The following A2ML1 variants were observed in gnomAD, a reference collection of about 807,000 sequenced individuals.
The protein encoded by A2ML1 is alpha-2-macroglobulin-like protein 1.
In A2ML1, 161 loss-of-function variants were observed where a neutral mutation model predicts 181.9. The observed-to-expected ratio is 0.89, with a 90% CI of 0.78 to 1.01. The LOEUF (loss-of-function observed/expected upper bound fraction) is 1.01, where lower values mean the gene tolerates loss of function less well. Ranked by LOEUF, A2ML1 falls within the 50% of genes least tolerant of loss-of-function variation. The pLI, the probability that A2ML1 is intolerant of heterozygous loss-of-function variation, is 0.00. For missense variants in A2ML1, 1,670 were observed against 1,768.1 expected (o/e 0.94, Z 1.00); for synonymous variants, 663 against 666.8 (o/e 0.99, Z 0.09).
At chr12:8,883,136 C>T (rs991014401) in intron 7 of A2ML1, among the ~76,000 whole-genome samples, 7 of 152,148 alleles carry the variant, frequency 4.6e-5, no homozygotes, top group Non-Finnish European at 1.0e-4. Flanking sequence ...GGCAAGGCTT[C>T]CTTAAGAGCT....
At position 8,848,816 on chromosome 12, in the gene A2ML1, C is replaced by A. The variant is rs1943790295; in HGVS notation, c.1930C>A (p.Pro644Thr). ...PVSGPWDFPQ[P>T]LIDPMPQGHS... is the part of the protein sequence containing the mutation. ...GTCTGGCCCATGGGACTTTCCTCAG[C>A]CCCTCATTGACCCAATGCCCCAAGG... Residue 644 changes from proline to threonine, a missense_variant, in exon 16 of 36, where the codon CCC becomes ACC. By Grantham distance (38) the Pro-to-Thr change is conservative. Coordinates refer to ENST00000299698, the MANE Select transcript of A2ML1 (RefSeq NM_144670.6). 1 of 1,614,102 alleles carries A rather than the reference C, an allele frequency of 6.2e-7. No homozygotes were observed. The highest frequency in any genetic ancestry group is 1.1e-5 in the South Asian group (1 of 91,074).
chr12:8,858,255 G>A (rs779620376), intron 26 of A2ML1, 153 bp downstream of exon 26: 12 of 891,410 alleles, frequency 1.3e-5, no homozygotes, highest in Non-Finnish European at 1.8e-5. Context: ...TGCTTAGCTG[G>A]TCTGGGCCTC....
At chr12:8,823,479 C>T in intron 2 of A2ML1, 114 bp downstream of exon 2, 1 of 1,280,976 alleles carries the variant, frequency 7.8e-7, no homozygotes, top group Non-Finnish European at 1.1e-6. Context: ...GGCCTCTAAA[C>T]CTATTTTTTC....
Position 8,823,208 on chromosome 12 carries a change from G to C in A2ML1, c.89G>C (p.Arg30Pro). The C allele has an allele frequency of 6.2e-7, 1 of 1,613,830 alleles. No homozygotes were observed. The highest frequency in any genetic ancestry group is 8.5e-7 in the Non-Finnish European group (1 of 1,179,940). Reference sequence around the variant, plus strand: ...AACTACCTGGTGACATTACCAGCCCGGCTAAATTTCCCCTCCGTTCAGAAG... The same window carrying C: ...AACTACCTGGTGACATTACCAGCCCCGCTAAATTTCCCCTCCGTTCAGAAG... Reference protein sequence around the residue: ...LPNYLVTLPARLNFPSVQKVC... With the variant: ...LPNYLVTLPAPLNFPSVQKVC... Residue 30 changes from arginine to proline, a missense_variant, in exon 2 of 36, where the codon CGG becomes CCG. Coordinates refer to ENST00000299698, the MANE Select transcript of A2ML1 (RefSeq NM_144670.6).
chr12:8,846,810 CAAA>C (rs199881026), intron 14 of A2ML1, among the ~76,000 whole-genome samples: 19 of 130,242 alleles, frequency 1.5e-4, no homozygotes, highest in South Asian at 2.7e-4. Context: ...GACTCTGTCT[CAAA>C]AAAAAAAAAA....
chr12:8,836,012 C>CAAAAA (rs753902128), intron 6 of A2ML1, among the ~76,000 whole-genome samples: 1 of 52,198 alleles, frequency 1.9e-5, no homozygotes, highest in Non-Finnish European at 4.3e-5. Context: ...GACTCCGTCT[C>CAAAAA]AAAAAAAAAA....
At chr12:8,832,979 C>CTTTTTT (rs10670476) in intron 4 of A2ML1, among the ~76,000 whole-genome samples, 102,535 of 138,358 alleles carry the variant, frequency 0.74, 39,772 homozygotes, top group East Asian at 0.96. Flanking sequence ...TGCTACTTTC[C>CTTTTTT]TTTTTTTTTT....
chr12:8,839,990 G>A (rs954875076), intron 10 of A2ML1, among the ~76,000 whole-genome samples: 3 of 151,980 alleles, frequency 2.0e-5, no homozygotes, highest in Admixed American at 6.6e-5. Flanking sequence ...CAGGTGATCC[G>A]TCCACCTGGG....
chr12:8,845,629 C>CTT, intron 13 of A2ML1, 127 bp downstream of exon 13: 1 of 828,372 alleles, frequency 1.2e-6, no homozygotes, highest in East Asian at 2.7e-5. Context: ...GGGCGGATCA[C>CTT]GATGTCGGGA....
At chr12:8,825,682 G>A (rs1270514877) in intron 3 of A2ML1, among the ~76,000 whole-genome samples, 1 of 152,148 alleles carries the variant, frequency 6.6e-6, no homozygotes, top group Admixed American at 6.5e-5. Flanking sequence ...CAATGTTCTG[G>A]AGAGTTTCCC....
chr12:8,871,961 T>C (rs7306690), intron 33 of A2ML1, among the ~76,000 whole-genome samples: 6,995 of 151,474 alleles, frequency 0.046, 502 homozygotes, highest in African/African-American at 0.16. Flanking sequence ...GGGCAGATCA[T>C]GAGGTCAGGA....
intron 11 of A2ML1, 71 bp downstream of exon 11, chr12:8,841,607 G>A: frequency 6.7e-7 from 1 of 1,490,832 alleles, no homozygotes; most frequent in Non-Finnish European, 9.1e-7. Context: ...GAATTTTCCT[G>A]TTTCCTATTC....
chr12:8,822,662 A>G lies in A2ML1; in HGVS notation c.11A>G (p.Gln4Arg). The change falls in exon 1 of 36, where the codon CAG becomes CGG. Residue 4 changes from glutamine (Q) to arginine (R), a missense_variant. Coordinates refer to ENST00000299698, the MANE Select transcript of A2ML1 (RefSeq NM_144670.6). ...GTCTCACCCACAAAGATGTGGGCTCAGCTCCTTCTAGGAATGTTGGCCCTA... is the reference window on the plus strand; with the variant it reads ...GTCTCACCCACAAAGATGTGGGCTCGGCTCCTTCTAGGAATGTTGGCCCTA... MWA[Q>R]LLLGMLALSP... 1 of 1,614,132 alleles carries G rather than the reference A, an allele frequency of 6.2e-7. No individual in the cohort carries two copies. The highest frequency in any genetic ancestry group is 8.5e-7 in the Non-Finnish European group (1 of 1,179,976).
chr12:8,840,927 G>A (rs1220838341), intron 10 of A2ML1, among the ~76,000 whole-genome samples: 9 of 147,740 alleles, frequency 6.1e-5, no homozygotes, highest in African/African-American at 1.0e-4. Flanking sequence ...AGAAAGAAAG[G>A]AAGGAAGAAA....
chr12:8,852,862 A>G lies in A2ML1; in HGVS notation c.2590+526A>G, dbSNP rs1369915900. On this transcript the variant is annotated intron_variant, in intron 20 of 35. Coordinates refer to ENST00000299698, the MANE Select transcript of A2ML1 (RefSeq NM_144670.6). The surrounding 1 kb of genome is among the most constrained non-coding windows in gnomAD (Gnocchi z 4.2). ...AGTCGCGTGCCACCCTACCCGGCTA[A>G]TTTTTGTACTTTTAGTAGAGGTGGG... 6.6e-6 allele frequency among the ~76,000 whole-genome samples: 1 copy of G among 151,804 alleles called. No homozygotes were observed. The highest frequency in any genetic ancestry group is 2.4e-5 in the African/African-American group (1 of 41,302).
At position 8,841,519 on chromosome 12, in the gene A2ML1, A is replaced by C. The variant is rs371576976; in HGVS notation, c.1231A>C (p.Thr411Pro). Reference sequence around the variant, plus strand: ...CTTGGAGACATCCGGTTGGAATGGGACAGACGTTTCTCTGGAGGTAAGCAT... The same window carrying C: ...CTTGGAGACATCCGGTTGGAATGGGCCAGACGTTTCTCTGGAGGTAAGCAT... ...FTLETSGWNG[T>P]DVSLEGKFQM... Residue 411 changes from threonine (T) to proline (P), a missense_variant, in exon 11 of 36, where the codon ACA becomes CCA. By Grantham distance (38) the Thr-to-Pro change is conservative (BLOSUM62 -1). Transcript: ENST00000299698. 2 of 1,613,620 alleles carry C rather than the reference A, an allele frequency of 1.2e-6. No homozygotes were observed. Among genetic ancestry groups the C allele is most frequent in the East Asian group, 4.5e-5 (2 of 44,846 alleles).
At chr12:8,873,582 A>C (rs1944700542) in intron 33 of A2ML1, among the ~76,000 whole-genome samples, 1 of 151,708 alleles carries the variant, frequency 6.6e-6, no homozygotes, top group Middle Eastern at 3.4e-3. Flanking sequence ...GGTTTTTAAA[A>C]ATTACATGTA....
chr12:8,846,322 A>C (rs1415919079), intron 14 of A2ML1, 100 bp downstream of exon 14: 4 of 1,375,788 alleles, frequency 2.9e-6, no homozygotes, highest in Non-Finnish European at 4.1e-6. Flanking sequence ...GAAAGAAGAT[A>C]GTGTTGACGT....
chr12:8,874,281 G>A (rs1944726692), intron 33 of A2ML1, 144 bp from the exon 34 acceptor site: 2 of 551,502 alleles, frequency 3.6e-6, no homozygotes, highest in Admixed American at 6.0e-5. Context: ...CTCCCAAAGT[G>A]CTGGGATTAG....
Sources: gnomAD v4.1 joint callset for allele counts (sites outside exome capture counted in the v4.1 genomes callset) on GRCh38, gnomAD v4.1.1 for gene constraint, Gnocchi (gnomAD v3.1) non-coding constraint, MANE v1.5 for transcripts, NCBI Gene and HGNC (gene_info 2026-07-23, HGNC 2026-07-21) for gene names.